The following ADGRL3 variants were observed in gnomAD, a reference collection of about 807,000 sequenced individuals.
ADGRL3 encodes adhesion G protein-coupled receptor L3, also known as calcium-independent alpha-latrotoxin receptor 3.
A neutral mutation model predicts 153.5 loss-of-function variants in ADGRL3; 62 were observed. That is an observed-to-expected ratio of 0.40 (90% CI 0.33 to 0.50). The LOEUF (loss-of-function observed/expected upper bound fraction) is 0.50, where lower values mean the gene tolerates loss of function less well. Among genes scored for constraint, ADGRL3 ranks in the 20% least tolerant of loss-of-function variants. ADGRL3 has a pLI of 0.47. For missense variants in ADGRL3, 1,641 were observed against 1,859.4 expected, an observed-to-expected ratio of 0.88 and a Z score of 2.16; for synonymous variants, 710 against 672.5, an observed-to-expected ratio of 1.06 and a Z score of -0.86.
intron 9 of ADGRL3, among the ~76,000 whole-genome samples, chr4:61,833,648 A>G (rs902016804): frequency 1.3e-5 from 2 of 152,136 alleles, no homozygotes; most frequent in Non-Finnish European, 2.9e-5. Context: ...TCAAGTAGTG[A>G]TTTTAGGAGC....
At chr4:61,203,321 C>G (rs1377422542) in intron 1 of ADGRL3, among the ~76,000 whole-genome samples, 1 of 152,168 alleles carries the variant, frequency 6.6e-6, no homozygotes, top group Non-Finnish European at 1.5e-5. Context: ...GCGTGTGATC[C>G]CTGCCTGCGG....
chr4:61,493,400 C>G (rs2098278106), intron 2 of ADGRL3, among the ~76,000 whole-genome samples: 1 of 152,160 alleles, frequency 6.6e-6, no homozygotes, highest in African/African-American at 2.4e-5. Flanking sequence ...GCTGCAATAC[C>G]TTAGAAGAAA....
intron 24 of ADGRL3, among the ~76,000 whole-genome samples, chr4:62,038,295 T>C (rs931969337): frequency 1.8e-4 from 28 of 152,072 alleles, no homozygotes; most frequent in African/African-American, 6.8e-4. Flanking sequence ...ATGACTCAAC[T>C]ATATTATGTG....
chr4:61,901,289 G>A (rs1009027081), intron 11 of ADGRL3, among the ~76,000 whole-genome samples: 29 of 152,146 alleles, frequency 1.9e-4, no homozygotes, highest in African/African-American at 5.8e-4. Flanking sequence ...GGTTATTCCT[G>A]TACTTTCTAA....
intron 25 of ADGRL3, among the ~76,000 whole-genome samples, chr4:62,059,237 T>C (rs1738749696): frequency 6.6e-6 from 1 of 151,888 alleles, no homozygotes; most frequent in East Asian, 1.9e-4. Context: ...AAATGAGGGA[T>C]AATTGTTTGA....
chr4:61,690,116 A>G (rs935365567), intron 6 of ADGRL3, among the ~76,000 whole-genome samples: 1 of 152,134 alleles, frequency 6.6e-6, no homozygotes, highest in Non-Finnish European at 1.5e-5. Context: ...AATGTGTTCA[A>G]TGCTCCGTAA....
chr4:61,445,500 T>A (rs1296797770), intron 2 of ADGRL3, among the ~76,000 whole-genome samples: 2 of 152,208 alleles, frequency 1.3e-5, no homozygotes, highest in African/African-American at 4.8e-5. Context: ...AATAGGAGTG[T>A]CATAGGCCTT....
At chr4:61,681,389 TC>T (rs1353703775) in intron 6 of ADGRL3, among the ~76,000 whole-genome samples, 2 of 152,146 alleles carry the variant, frequency 1.3e-5, no homozygotes, top group African/African-American at 4.8e-5. Context: ...ATTCTTTGTT[TC>T]TTTTTTTTCA....
At chr4:61,419,787 C>A (rs891737857) in intron 2 of ADGRL3, among the ~76,000 whole-genome samples, 1 of 151,340 alleles carries the variant, frequency 6.6e-6, no homozygotes, top group African/African-American at 2.4e-5. Flanking sequence ...CAGATTTAAA[C>A]ATATTTAGAT....
At chr4:61,666,209 G>A (rs994526837) in intron 5 of ADGRL3, among the ~76,000 whole-genome samples, 2 of 151,820 alleles carry the variant, frequency 1.3e-5, no homozygotes, top group Non-Finnish European at 2.9e-5. Flanking sequence ...GCAAATATGA[G>A]GAAGTCAAAG....
chr4:61,647,146 G>T (rs11731776), intron 5 of ADGRL3, among the ~76,000 whole-genome samples: 21,197 of 152,028 alleles, frequency 0.14, 1,939 homozygotes, highest in Non-Finnish European at 0.2. Flanking sequence ...CCTGCGCGGT[G>T]CACTGCACCC....
intron 21 of ADGRL3, among the ~76,000 whole-genome samples, chr4:62,002,770 AT>A (rs1256780419): frequency 2.0e-5 from 3 of 152,254 alleles, no homozygotes; most frequent in African/African-American, 7.2e-5. Flanking sequence ...GAATATTCTC[AT>A]TGAGTTTCTG....
At chr4:62,005,005 T>C (rs2099152835) in intron 21 of ADGRL3, among the ~76,000 whole-genome samples, 1 of 152,080 alleles carries the variant, frequency 6.6e-6, no homozygotes, top group Admixed American at 6.6e-5. Flanking sequence ...CAAACAACAT[T>C]GTGTGGAGCT....
intron 8 of ADGRL3, among the ~76,000 whole-genome samples, chr4:61,737,554 C>A (rs1055584077): frequency 6.6e-6 from 1 of 152,058 alleles, no homozygotes; most frequent in African/African-American, 2.4e-5. Flanking sequence ...TCGATTTCCT[C>A]AGACTATAAA....
intron 6 of ADGRL3, among the ~76,000 whole-genome samples, chr4:61,682,632 T>TCTGTCTTAAGCAATCTTC (rs1442473012): frequency 2.0e-5 from 3 of 151,392 alleles, no homozygotes; most frequent in African/African-American, 7.3e-5. Context: ...AAGCAATCTT[T>TCTGTCTTAAGCAATCTTC]CTGTCTTAAG....
chr4:62,007,484 ATG>A (rs1553908787), intron 21 of ADGRL3, among the ~76,000 whole-genome samples: 56 of 141,422 alleles, frequency 4.0e-4, no homozygotes, highest in African/African-American at 1.1e-3. Flanking sequence ...ATATATATAT[ATG>A]TATATATATC....
chr4:61,620,681 G>A (rs1024212347), intron 5 of ADGRL3, among the ~76,000 whole-genome samples: 5 of 121,066 alleles, frequency 4.1e-5, no homozygotes, highest in South Asian at 2.7e-4. Context: ...TGGCTCTGTC[G>A]CCAGGCTGGA....
At chr4:61,798,742 C>T (rs1580877861) in intron 8 of ADGRL3, among the ~76,000 whole-genome samples, 2 of 151,356 alleles carry the variant, frequency 1.3e-5, no homozygotes, top group Non-Finnish European at 1.5e-5. Flanking sequence ...CTTAGCCTCC[C>T]GAGTGGCTGT....
chr4:61,970,685 T>G (rs940285041), intron 17 of ADGRL3, among the ~76,000 whole-genome samples: 3 of 152,204 alleles, frequency 2.0e-5, no homozygotes, highest in African/African-American at 7.2e-5. Context: ...GATTGGTTTT[T>G]CAATTTGATA....
Sources: allele counts gnomAD v4.1 joint callset (sites outside exome capture counted in the v4.1 genomes callset), GRCh38; gene constraint gnomAD v4.1.1; transcripts MANE v1.5; gene names NCBI Gene and HGNC (gene_info 2026-07-23, HGNC 2026-07-21).